ZDHHC13: variants seen among roughly 807,000 people sequenced by gnomAD.
The protein encoded by ZDHHC13 is zDHHC palmitoyltransferase 13.
ZDHHC13 carries 85 observed loss-of-function variants against 86.0 expected under a neutral mutation model. That is an observed-to-expected ratio of 0.99 (90% CI 0.83 to 1.18). The LOEUF is 1.18. Among genes scored for constraint, ZDHHC13 ranks in the 50% most tolerant of loss-of-function variants. The pLI is 0.00. For synonymous variants in ZDHHC13, 263 were observed against 246.4 expected, an observed-to-expected ratio of 1.07 and a Z score of -0.63; for missense variants, 711 against 730.2, an observed-to-expected ratio of 0.97 and a Z score of 0.30.
At chr11:19,133,876 G>A (rs1448745877) in intron 1 of ZDHHC13, among the ~76,000 whole-genome samples, 3 of 138,496 alleles carry the variant, frequency 2.2e-5, no homozygotes, top group African/African-American at 8.0e-5. Context: ...TGGTTTCATG[G>A]AGGTTCATTT....
chr11:19,128,846 G>C (rs1463047490), intron 1 of ZDHHC13, among the ~76,000 whole-genome samples: 2 of 152,164 alleles, frequency 1.3e-5, no homozygotes, highest in African/African-American at 4.8e-5. Flanking sequence ...TCTAGGGACA[G>C]TTATATATCC....
Position 19,118,558 on chromosome 11 carries a change from G to C in ZDHHC13, c.27+1282G>C, listed in dbSNP as rs57689545. ...AATTACTGCCACTCATTTACAGAAGGCTTCAAGTGCTTAAAGTTCACTCTC... is the reference window on the plus strand; with the variant it reads ...AATTACTGCCACTCATTTACAGAAGCCTTCAAGTGCTTAAAGTTCACTCTC... On this transcript the variant is annotated intron_variant, in intron 1 of 16. Transcript: ENST00000446113. 7.3e-3 allele frequency among the ~76,000 whole-genome samples: 1,109 copies of C among 152,338 alleles called. 19 individuals are homozygous for C. Among genetic ancestry groups the C allele is most frequent in the African/African-American group, 0.026 (1,061 of 41,568 alleles).
chr11:19,163,159 A>T, intron 10 of ZDHHC13, 144 bp from the exon 11 acceptor site: 1 of 754,208 alleles, frequency 1.3e-6, no homozygotes, highest in South Asian at 3.4e-5. Context: ...TAGGATTAGA[A>T]CATAGGATGG....
intron 1 of ZDHHC13, among the ~76,000 whole-genome samples, chr11:19,125,448 C>T (rs1222534188): frequency 1.3e-5 from 2 of 152,178 alleles, no homozygotes; most frequent in African/African-American, 4.8e-5. Context: ...ATCTATTAGA[C>T]TGACAATCCC....
intron 1 of ZDHHC13, among the ~76,000 whole-genome samples, chr11:19,138,290 C>G (rs1280986994): frequency 8.4e-5 from 12 of 142,318 alleles, no homozygotes; most frequent in African/African-American, 3.2e-4. Context: ...AACACCTCTA[C>G]GCAAATAAAC....
chr11:19,163,546 T>G lies in ZDHHC13; in HGVS notation c.1233+119T>G, dbSNP rs1849971739. The stretch of plus-strand genomic sequence containing the variant: ...CGGCTGCATGACATGTGGGGTGATA[T>G]AGCAAAAATTAGATTTCCACTCTTA... On this transcript the variant is annotated intron_variant, in intron 11 of 16. Transcript: ENST00000446113. 11 of 1,033,526 alleles carry G rather than the reference T, an allele frequency of 1.1e-5. No homozygotes were observed. The South Asian group carries it at 2.3e-4, about 21-fold the overall frequency. The allele number at this position is 1,033,526 out of a possible 1,614,324, so 64.0% of individuals were successfully genotyped here. A position where few individuals can be genotyped will look rare whatever the true frequency, so the allele number is the denominator to read the frequency against.
At chr11:19,166,510 C>T (rs1850074165) in intron 14 of ZDHHC13, 125 bp downstream of exon 14, 4 of 685,052 alleles carry the variant, frequency 5.8e-6, no homozygotes, top group Non-Finnish European at 9.4e-6. Context: ...AAAAACAAAG[C>T]AAATGCCTCT....
chr11:19,141,886 G>T (rs1307132474), intron 1 of ZDHHC13, among the ~76,000 whole-genome samples: 1 of 152,100 alleles, frequency 6.6e-6, no homozygotes, highest in Non-Finnish European at 1.5e-5. Context: ...GACTATCTTG[G>T]CAGTCATTCT....
chr11:19,130,985 A>G (rs914793416), intron 1 of ZDHHC13, among the ~76,000 whole-genome samples: 4 of 150,830 alleles, frequency 2.7e-5, no homozygotes, highest in African/African-American at 9.8e-5. Context: ...AGCTGGGACC[A>G]CAGGTGCGTG....
intron 10 of ZDHHC13, among the ~76,000 whole-genome samples, chr11:19,161,005 C>A (rs1056859259): frequency 6.6e-6 from 1 of 151,862 alleles, no homozygotes; most frequent in African/African-American, 2.4e-5. Flanking sequence ...TCTAGGCAAC[C>A]ATATGAACCT....
At position 19,117,257 on chromosome 11, in the gene ZDHHC13, G is replaced by C. The variant is rs748893413; in HGVS notation, c.8G>C (p.Gly3Ala). ...CTGTGGGCTCCTGGGGAGATGGAGG[G>C]GCCGGGGCTGGGCTCGCAGGTGAGT... The part of the protein sequence containing the change: ME[G>A]PGLGSQCRNH... The change falls in exon 1 of 17, where the codon GGG becomes GCG. Residue 3 changes from glycine to alanine, a missense_variant. By Grantham distance (60) the Gly-to-Ala change is moderately conservative. Transcript: ENST00000446113. The surrounding 1 kb of genome is among the most constrained non-coding windows in gnomAD (Gnocchi z 4.2). 1.0e-4 allele frequency: 155 copies of C among 1,506,252 alleles called. No homozygotes were observed. Among genetic ancestry groups the C allele is most frequent in the Middle Eastern group, 2.3e-4 (1 of 4,258 alleles). 93.3% of individuals were successfully genotyped at this position (1,506,252 alleles called of 1,614,324 possible).
Position 19,146,290 on chromosome 11 carries a change from C to A in ZDHHC13, c.283C>A (p.Leu95Met), listed in dbSNP as rs760083727. 6.2e-7 allele frequency: 1 copy of A among 1,611,940 alleles called. No individual in the cohort carries two copies. The highest frequency in any genetic ancestry group is 1.1e-5 in the South Asian group (1 of 90,454). ...LLHWAAINNR[L>M]DLVKFYISKG... ...TCATTGGGCTGCTATTAACAACAGACTGGATCTTGTAAAGTAAGATGGGAT... is the reference window on the plus strand; with the variant it reads ...TCATTGGGCTGCTATTAACAACAGAATGGATCTTGTAAAGTAAGATGGGAT... The change falls in exon 3 of 17, where the codon CTG (leucine) becomes ATG (methionine). Residue 95 changes from leucine to methionine, a missense_variant. Transcript: ENST00000446113.
At chr11:19,135,750 AG>A (rs1017545184) in intron 1 of ZDHHC13, among the ~76,000 whole-genome samples, 1 of 152,254 alleles carries the variant, frequency 6.6e-6, no homozygotes. Flanking sequence ...TGCCTCCTCA[AG>A]TGGGTCCCTG....
intron 1 of ZDHHC13, among the ~76,000 whole-genome samples, chr11:19,133,359 A>T (rs1849043492): frequency 6.8e-6 from 1 of 146,358 alleles, no homozygotes; most frequent in Non-Finnish European, 1.5e-5. Flanking sequence ...TTACATATAT[A>T]TATATATATA....
At chr11:19,134,956 C>T (rs1293405536) in intron 1 of ZDHHC13, among the ~76,000 whole-genome samples, 1 of 152,166 alleles carries the variant, frequency 6.6e-6, no homozygotes, top group East Asian at 1.9e-4. Flanking sequence ...TGCCTGAGCC[C>T]TGGAATTCGA....
chr11:19,152,427 G>T, intron 7 of ZDHHC13, 107 bp downstream of exon 7: 1 of 1,446,240 alleles, frequency 6.9e-7, no homozygotes, highest in Non-Finnish European at 9.2e-7. Context: ...CCCCAAGATA[G>T]ATATAAATGA....
chr11:19,163,128 C>T (rs1849956669), intron 10 of ZDHHC13, among the ~76,000 whole-genome samples, 175 bp from the exon 11 acceptor site: 1 of 151,950 alleles, frequency 6.6e-6, no homozygotes, highest in South Asian at 2.1e-4. Context: ...TAATTATTAG[C>T]CAAGTGGGAA....
At chr11:19,142,160 CATTT>C (rs1849339844) in intron 1 of ZDHHC13, among the ~76,000 whole-genome samples, 4 of 152,106 alleles carry the variant, frequency 2.6e-5, no homozygotes, top group Non-Finnish European at 5.9e-5. Flanking sequence ...CTTTCTAGTT[CATTT>C]GGTTATTAGC....
intron 11 of ZDHHC13, among the ~76,000 whole-genome samples, chr11:19,163,991 G>A (rs1458665746): frequency 1.3e-5 from 2 of 152,118 alleles, no homozygotes; most frequent in African/African-American, 2.4e-5. Context: ...TAATGTGTGT[G>A]TATATTTGCA....
Sources: allele counts gnomAD v4.1 joint callset (sites outside exome capture counted in the v4.1 genomes callset), GRCh38; gene constraint gnomAD v4.1.1; non-coding constraint Gnocchi (gnomAD v3.1); transcripts MANE v1.5; gene names NCBI Gene and HGNC (gene_info 2026-07-23, HGNC 2026-07-21).